TENM4: variants seen among roughly 807,000 people sequenced by gnomAD.
TENM4 encodes the protein teneurin-4.
Under a neutral mutation model 243.3 loss-of-function variants are expected in TENM4, and 82 were observed. That is an observed-to-expected ratio of 0.34 (90% CI 0.28 to 0.40). The LOEUF is 0.40. TENM4 is among the 10% of genes least tolerant of loss of function. The pLI, the probability that TENM4 is intolerant of heterozygous loss-of-function variation, is 1.00. For synonymous variants in TENM4, 1,412 were observed against 1,456.3 expected (o/e 0.97, Z 0.69); for missense variants, 3,138 against 3,673.3 (o/e 0.85, Z 3.77).
At chr11:78,780,851 G>A (rs908609438) in intron 16 of TENM4, among the ~76,000 whole-genome samples, 1 of 152,216 alleles carries the variant, frequency 6.6e-6, no homozygotes. Flanking sequence ...AAATGATGGA[G>A]GCAGGCTCAG....
At position 78,850,968 on chromosome 11, in the gene TENM4, A is replaced by G. The variant is rs1415001566; in HGVS notation, c.1681+3136T>C. On this transcript the variant is annotated intron_variant, in intron 12 of 33. Transcript: ENST00000278550. ...CGTCTGTCTTCAAAGCTTCCTTGAC[A>G]GAACACCAGAATCAGGATCCCCTGG... Among the ~76,000 whole-genome samples, 3 of 152,220 alleles carry G rather than the reference A, an allele frequency of 2.0e-5. No homozygotes were observed. The East Asian group carries it at 5.8e-4, about 29-fold the overall frequency.
intron 4 of TENM4, among the ~76,000 whole-genome samples, chr11:79,090,403 A>G (rs1860916708): frequency 6.6e-6 from 1 of 152,242 alleles, no homozygotes; most frequent in Non-Finnish European, 1.5e-5. Context: ...CTTAAATGCA[A>G]CATGCAGACA....
intron 4 of TENM4, chr11:79,097,407 C>A (rs1379607293): frequency 1.3e-5 from 2 of 152,150 alleles, no homozygotes; most frequent in African/African-American, 4.8e-5. Context: ...CAACATGGAT[C>A]GCCTGCTAAT....
intron 2 of TENM4, among the ~76,000 whole-genome samples, chr11:79,271,572 A>C (rs1396720557): frequency 6.6e-6 from 1 of 152,192 alleles, no homozygotes; most frequent in Non-Finnish European, 1.5e-5. Context: ...ATGAGGGGAA[A>C]GGCAGGGCCA....
At chr11:78,709,399 G>A (rs147573899) in intron 26 of TENM4, among the ~76,000 whole-genome samples, 46 of 152,300 alleles carry the variant, frequency 3.0e-4, no homozygotes, top group African/African-American at 1.1e-3. Flanking sequence ...ACACTGAGGA[G>A]AGGAGTCAGA....
At chr11:78,970,064 C>T (rs1156707852) in intron 6 of TENM4, among the ~76,000 whole-genome samples, 1 of 152,210 alleles carries the variant, frequency 6.6e-6, no homozygotes, top group African/African-American at 2.4e-5. Context: ...TGAAATTATA[C>T]TCAGTTCTGA....
intron 1 of TENM4, among the ~76,000 whole-genome samples, chr11:79,360,489 G>A (rs1857571636): frequency 6.6e-6 from 1 of 152,156 alleles, no homozygotes; most frequent in African/African-American, 2.4e-5. Context: ...GTCATCAATG[G>A]TATGACCAAG....
intron 6 of TENM4, among the ~76,000 whole-genome samples, chr11:79,043,998 TG>T: frequency 6.6e-6 from 1 of 152,152 alleles, no homozygotes; most frequent in East Asian, 1.9e-4. Context: ...ATAATCCCAC[TG>T]ACTTTGAACT....
At chr11:78,817,934 C>T (rs1383474919) in intron 12 of TENM4, among the ~76,000 whole-genome samples, 3 of 152,152 alleles carry the variant, frequency 2.0e-5, no homozygotes, top group Non-Finnish European at 4.4e-5. Context: ...TTGGAAAGGC[C>T]TGGACATCTT....
At chr11:79,123,010 G>T (rs915443352) in intron 4 of TENM4, among the ~76,000 whole-genome samples, 1 of 152,212 alleles carries the variant, frequency 6.6e-6, no homozygotes, top group Non-Finnish European at 1.5e-5. Context: ...TGGAAATGAA[G>T]CAACGTCATC....
chr11:78,949,189 G>A (rs551017270), intron 6 of TENM4, among the ~76,000 whole-genome samples: 1 of 152,284 alleles, frequency 6.6e-6, no homozygotes, highest in Non-Finnish European at 1.5e-5. Flanking sequence ...CCTTACCAAA[G>A]TCGCCAGTGG....
chr11:79,193,193 G>C (rs1040586446), intron 3 of TENM4: 2 of 152,278 alleles, frequency 1.3e-5, no homozygotes, highest in African/African-American at 2.4e-5. Flanking sequence ...TAAGGTCCCT[G>C]TTCTAGAATT....
At chr11:78,758,596 C>T (rs1856364512) in intron 18 of TENM4, among the ~76,000 whole-genome samples, 1 of 152,212 alleles carries the variant, frequency 6.6e-6, no homozygotes, top group African/African-American at 2.4e-5. Context: ...AAGCTGCCCA[C>T]CAAAGTACTG....
intron 25 of TENM4, among the ~76,000 whole-genome samples, chr11:78,717,582 A>C (rs1267871090): frequency 6.6e-6 from 1 of 152,236 alleles, no homozygotes; most frequent in African/African-American, 2.4e-5. Context: ...GATTATTTTG[A>C]GGACAAAATT....
At chr11:78,912,779 A>T (rs1443756832) in intron 6 of TENM4, among the ~76,000 whole-genome samples, 1 of 152,242 alleles carries the variant, frequency 6.6e-6, no homozygotes. Context: ...TCCTAGGGTC[A>T]TGGTAATTCA....
chr11:79,383,019 G>C (rs1188513553), intron 1 of TENM4, among the ~76,000 whole-genome samples: 2 of 152,064 alleles, frequency 1.3e-5, no homozygotes, highest in African/African-American at 4.8e-5. Flanking sequence ...TTCCCTTCAT[G>C]AGTGTGCTGT....
Position 79,069,992 on chromosome 11 carries a change from C to T in TENM4, c.-48G>A. 1 of 1,530,118 alleles carries T rather than the reference C, an allele frequency of 6.5e-7. No homozygotes were observed. The highest frequency in any genetic ancestry group is 8.8e-7 in the Non-Finnish European group (1 of 1,140,888). The allele number at this position is 1,530,118 out of a possible 1,614,324, so 94.8% of individuals were successfully genotyped here. On this transcript the variant is annotated 5_prime_UTR_variant, in exon 5 of 34. Transcript: ENST00000278550. Reference sequence around the variant, plus strand: ...ACATCCACAAACAGGGTCCTCGCCGCACTCAGGGCCGAGTGGTCTAGAGCC... The same window carrying T: ...ACATCCACAAACAGGGTCCTCGCCGTACTCAGGGCCGAGTGGTCTAGAGCC...
chr11:78,932,538 A>C (rs939951870), intron 6 of TENM4, among the ~76,000 whole-genome samples: 2 of 152,280 alleles, frequency 1.3e-5, no homozygotes, highest in Non-Finnish European at 2.9e-5. Context: ...ATTGAAAAGG[A>C]AGCACTAACA....
chr11:79,349,942 G>A (rs1450759828), intron 1 of TENM4, among the ~76,000 whole-genome samples: 1 of 152,188 alleles, frequency 6.6e-6, no homozygotes, highest in Admixed American at 6.5e-5. Flanking sequence ...CAGGAAGCCA[G>A]ACCGGAGGAC....
Sources: gnomAD v4.1 joint callset for allele counts (sites outside exome capture counted in the v4.1 genomes callset) on GRCh38, gnomAD v4.1.1 for gene constraint, MANE v1.5 for transcripts, NCBI Gene and HGNC (gene_info 2026-07-23, HGNC 2026-07-21) for gene names.